The following FRMD4A variants were observed in gnomAD, a reference collection of about 807,000 sequenced individuals.
FRMD4A encodes FERM domain containing 4A, also known as FERM domain-containing protein 4A.
Under a neutral mutation model 129.1 loss-of-function variants are expected in FRMD4A, and 29 were observed. That is an observed-to-expected ratio of 0.22 (90% CI 0.17 to 0.31). FRMD4A has a LOEUF of 0.31. Among genes scored for constraint, FRMD4A ranks in the 10% least tolerant of loss-of-function variants. The pLI is 1.00. For missense variants in FRMD4A, 1,272 were observed against 1,375.8 expected (o/e 0.92, Z 1.19); for synonymous variants, 634 against 571.6 (o/e 1.11, Z -1.56).
At chr10:13,944,618 C>G (rs2095318395) in intron 2 of FRMD4A, among the ~76,000 whole-genome samples, 1 of 152,096 alleles carries the variant, frequency 6.6e-6, no homozygotes, top group Non-Finnish European at 1.5e-5. Context: ...GACCATACAC[C>G]CTTCAACAGA....
rs772563228 is a variant in FRMD4A at position 13,666,265 on chromosome 10, C to T, written c.1435G>A (p.Ala479Thr). Reference sequence around the variant, plus strand: ...TTGGGGTCACTGGCTAGGCGGCGGGCGGCCTCCGTAATCTGGGACTGAATG... The same window carrying T: ...TTGGGGTCACTGGCTAGGCGGCGGGTGGCCTCCGTAATCTGGGACTGAATG... ...FAIQSQITEA[A>T]RRLASDPNVS... Residue 479 changes from alanine (A) to threonine (T), a missense_variant, in exon 18 of 25, where the codon GCC becomes ACC. Ala to Thr is a moderately conservative substitution (Grantham distance 58). This residue lies in a region of FRMD4A where 972 missense variants were observed against 892.3 expected (regional missense o/e 1.09). Coordinates refer to ENST00000357447, the MANE Select transcript of FRMD4A (RefSeq NM_018027.5). 7.4e-6 allele frequency: 12 copies of T among 1,614,096 alleles called. No individual in the cohort carries two copies. Among genetic ancestry groups the T allele is most frequent in the African/African-American group, 1.3e-5 (1 of 75,024 alleles).
Position 13,747,757 on chromosome 10 carries a change from T to C in FRMD4A, c.527A>G (p.Glu176Gly). 1 of 1,594,466 alleles carries C rather than the reference T, an allele frequency of 6.3e-7. No homozygotes were observed. The highest frequency in any genetic ancestry group is 8.6e-7 in the Non-Finnish European group (1 of 1,162,402). The change falls in exon 9 of 25, where the codon GAG becomes GGG. Residue 176 changes from glutamate (E) to glycine (G), a missense_variant. Transcript: ENST00000357447. ...LPALPTQALK[E>G]HPSLAYCEDR... ...TTACCAGTAGGCCAGGGAAGGGTGC[T>C]CCTTCAGGGCTTGGGTGGGAAGGGC...
chr10:14,275,330 A>G (rs1242365879), intron 2 of FRMD4A, among the ~76,000 whole-genome samples: 3 of 152,260 alleles, frequency 2.0e-5, no homozygotes, highest in African/African-American at 7.2e-5. Flanking sequence ...AAACTTTATA[A>G]GAAGAGTCTA....
At chr10:14,131,696 C>G (rs1238818253) in intron 2 of FRMD4A, among the ~76,000 whole-genome samples, 1 of 152,140 alleles carries the variant, frequency 6.6e-6, no homozygotes, top group East Asian at 1.9e-4. Context: ...ACTCAGGAAA[C>G]AGAGGCAAAC....
intron 2 of FRMD4A, among the ~76,000 whole-genome samples, chr10:13,945,423 C>T (rs2095324522): frequency 6.6e-6 from 1 of 152,108 alleles, no homozygotes; most frequent in Non-Finnish European, 1.5e-5. Flanking sequence ...GGGCTTACAA[C>T]CAGAATGCTA....
At chr10:14,034,927 T>G (rs778895540) in intron 2 of FRMD4A, among the ~76,000 whole-genome samples, 3 of 152,172 alleles carry the variant, frequency 2.0e-5, no homozygotes, top group Non-Finnish European at 2.9e-5. Context: ...AACACTGGCA[T>G]CACTTAGTTG....
At chr10:14,138,732 C>T (rs1839675397) in intron 2 of FRMD4A, among the ~76,000 whole-genome samples, 1 of 150,318 alleles carries the variant, frequency 6.7e-6, no homozygotes, top group South Asian at 2.1e-4. Flanking sequence ...TGCACTCCAG[C>T]CTGGGCGACA....
At chr10:14,304,314 C>T (rs566212581) in intron 2 of FRMD4A, among the ~76,000 whole-genome samples, 2 of 152,280 alleles carry the variant, frequency 1.3e-5, no homozygotes, top group Admixed American at 6.5e-5. Flanking sequence ...TCTGTGGATT[C>T]GTGTTATCAT....
intron 2 of FRMD4A, among the ~76,000 whole-genome samples, chr10:13,916,647 T>C (rs534746153): frequency 1.3e-5 from 2 of 152,302 alleles, no homozygotes; most frequent in South Asian, 4.1e-4. Context: ...AGAATTCAAA[T>C]CTCTGTTTGT....
intron 12 of FRMD4A, among the ~76,000 whole-genome samples, chr10:13,710,261 G>A (rs58199990): frequency 0.054 from 8,149 of 152,220 alleles, 765 homozygotes; most frequent in African/African-American, 0.18. Context: ...CTCCCCACCC[G>A]ATGAAGAACC....
At chr10:13,990,735 C>T (rs190994294) in intron 2 of FRMD4A, among the ~76,000 whole-genome samples, 10 of 152,256 alleles carry the variant, frequency 6.6e-5, no homozygotes, top group Non-Finnish European at 1.0e-4. Context: ...ATCTCCAGAT[C>T]GGAAACTCAG....
chr10:14,133,462 T>C (rs1329398292), intron 2 of FRMD4A, among the ~76,000 whole-genome samples: 6 of 152,204 alleles, frequency 3.9e-5, no homozygotes, highest in Admixed American at 3.9e-4. Context: ...GCACCCTCTC[T>C]AGATGCTTGG....
At chr10:14,096,231 A>T (rs139151702) in intron 2 of FRMD4A, among the ~76,000 whole-genome samples, 1 of 152,202 alleles carries the variant, frequency 6.6e-6, no homozygotes, top group Non-Finnish European at 1.5e-5. Flanking sequence ...CCCTTCTGTC[A>T]TGTGAGGGCA....
intron 2 of FRMD4A, among the ~76,000 whole-genome samples, chr10:13,933,749 C>G (rs1367922895): frequency 6.6e-6 from 1 of 152,288 alleles, no homozygotes; most frequent in East Asian, 1.9e-4. Flanking sequence ...TGTTGCCTCT[C>G]TCCTGTATCT....
At chr10:13,956,789 T>A (rs1011275474) in intron 2 of FRMD4A, among the ~76,000 whole-genome samples, 1 of 152,198 alleles carries the variant, frequency 6.6e-6, no homozygotes. Flanking sequence ...TCCAGCAGCA[T>A]TAAGATTTCA....
chr10:14,129,540 G>GA (rs969051393), intron 2 of FRMD4A, among the ~76,000 whole-genome samples: 5 of 150,974 alleles, frequency 3.3e-5, no homozygotes, highest in Non-Finnish European at 5.9e-5. Context: ...GCCCTGCTAG[G>GA]AAAAAAAACC....
intron 2 of FRMD4A, among the ~76,000 whole-genome samples, chr10:14,095,932 G>A (rs575749163): frequency 6.6e-5 from 10 of 152,274 alleles, no homozygotes; most frequent in South Asian, 2.1e-4. Context: ...CATAAGGAGC[G>A]CAAGTGGAAA....
At chr10:14,166,234 A>G (rs539539187) in intron 2 of FRMD4A, among the ~76,000 whole-genome samples, 2 of 150,938 alleles carry the variant, frequency 1.3e-5, no homozygotes, top group East Asian at 3.9e-4. Flanking sequence ...ATAATATATT[A>G]AGTTTCAATA....
intron 15 of FRMD4A, among the ~76,000 whole-genome samples, chr10:13,683,561 C>T (rs564048958): frequency 2.6e-5 from 4 of 152,116 alleles, no homozygotes; most frequent in South Asian, 4.2e-4. Flanking sequence ...CACACCACTG[C>T]GCTCCAGCCT....
Sources: allele counts gnomAD v4.1 joint callset (sites outside exome capture counted in the v4.1 genomes callset), GRCh38; gene constraint gnomAD v4.1.1; regional missense constraint gnomAD v4.1.1; transcripts MANE v1.5; gene names NCBI Gene and HGNC (gene_info 2026-07-23, HGNC 2026-07-21).